Variants in CROCC2 observed in about 807,000 individuals in gnomAD.
The protein encoded by CROCC2 is ciliary rootlet coiled-coil protein 2.
In CROCC2, 163 loss-of-function variants were observed where a neutral mutation model predicts 177.6. The ratio of observed to expected loss-of-function variants is 0.92; its 90% CI spans 0.81 to 1.05. The LOEUF is 1.05. Among genes scored for constraint, CROCC2 ranks in the 50% least tolerant of loss-of-function variants. CROCC2 has a pLI of 0.00. For missense variants in CROCC2, 1,929 were observed against 1,797.8 expected (o/e 1.07, Z -1.32); for synonymous variants, 904 against 787.3 (o/e 1.15, Z -2.48).
intron 15 of CROCC2, among the ~76,000 whole-genome samples, chr2:240,947,596 G>C (rs528858496): frequency 6.6e-6 from 1 of 152,250 alleles, no homozygotes; most frequent in Admixed American, 6.5e-5. Context: ...GCCAGAGAGC[G>C]TGGAAGCTGC....
At position 240,932,300 on chromosome 2, in the gene CROCC2, C is replaced by T. The variant is rs968918034; in HGVS notation, c.948-18C>T. ...CTGGGCCCTGCCCTTCACCCCCACA[C>T]CCCCCGACTCCTCCCAGACTCTCGG... On this transcript the variant is annotated intron_variant, in intron 7 of 31. Transcript: ENST00000690015. The T allele has an allele frequency of 7.1e-6, 5 of 706,226 alleles. No individual in the cohort carries two copies. The highest frequency in any genetic ancestry group is 1.3e-5 in the Non-Finnish European group (5 of 377,464). The allele number at this position is 706,226 out of a possible 1,614,324, so 43.7% of individuals were successfully genotyped here.
At chr2:240,991,493 G>A (rs556932729) in intron 31 of CROCC2, among the ~76,000 whole-genome samples, 51 of 152,362 alleles carry the variant, frequency 3.3e-4, no homozygotes, top group African/African-American at 1.1e-3. Flanking sequence ...GCCACCGCCC[G>A]GGCCACCACT....
Position 240,982,796 on chromosome 2 carries a change from G to A in CROCC2, c.4402-84G>A. ...GATACGGTCCTGCCAGACGGTCTAG[G>A]CAGATGCCCTGAGGCCAGGGTTTCC... On this transcript the variant is annotated intron_variant, in intron 27 of 31. Coordinates refer to ENST00000690015, the MANE Select transcript of CROCC2 (RefSeq NM_001351305.2). The surrounding 1 kb of genome is among the most constrained non-coding windows in gnomAD (Gnocchi z 4.7). 3.2e-6 allele frequency: 4 copies of A among 1,260,848 alleles called. No homozygotes were observed. Among genetic ancestry groups the A allele is most frequent in the South Asian group, 1.5e-5 (1 of 68,050 alleles). The allele number at this position is 1,260,848 out of a possible 1,614,324, so 78.1% of individuals were successfully genotyped here.
chr2:240,916,699 C>CG (rs2059323637), intron 1 of CROCC2, among the ~76,000 whole-genome samples: 1 of 152,200 alleles, frequency 6.6e-6, no homozygotes, highest in Non-Finnish European at 1.5e-5. Context: ...GTTTACTCCG[C>CG]GCTGCAGCCT....
intron 15 of CROCC2, 146 bp downstream of exon 15, chr2:240,946,399 G>A (rs1559600106): frequency 4.8e-6 from 4 of 838,636 alleles, no homozygotes; most frequent in South Asian, 2.5e-5. Context: ...GAGTGGAGGC[G>A]AGCACAGAGC....
intron 31 of CROCC2, among the ~76,000 whole-genome samples, chr2:240,991,868 T>C (rs929831243): frequency 3.3e-5 from 5 of 152,174 alleles, no homozygotes; most frequent in South Asian, 2.1e-4. Flanking sequence ...AAAAACATAA[T>C]GTCCTGCAAG....
At chr2:240,912,128 A>G (rs112831101) in intron 1 of CROCC2, among the ~76,000 whole-genome samples, 16 of 152,032 alleles carry the variant, frequency 1.1e-4, no homozygotes, top group African/African-American at 3.6e-4. Context: ...TGACGTACGC[A>G]CTTCCCTCCA....
intron 5 of CROCC2, among the ~76,000 whole-genome samples, chr2:240,928,045 T>G (rs1324014538): frequency 6.6e-6 from 1 of 152,258 alleles, no homozygotes; most frequent in African/African-American, 2.4e-5. Flanking sequence ...ATATCTGAAA[T>G]TCTTTAAGGT....
rs772368079 is a variant in CROCC2 at position 240,959,416 on chromosome 2, C to A, written c.3059C>A (p.Ala1020Glu). 1 of 1,550,206 alleles carries A rather than the reference C, an allele frequency of 6.5e-7. No individual in the cohort carries two copies. The highest frequency in any genetic ancestry group is 8.7e-7 in the Non-Finnish European group (1 of 1,146,796). Residue 1020 changes from alanine (A) to glutamate (E), a missense_variant, in exon 20 of 32, where the codon GCG becomes GAG. This residue lies in a region of CROCC2 where 1,397 missense variants were observed against 1,239.9 expected (regional missense o/e 1.13). Transcript: ENST00000690015. ...TALRESLQDL[A>E]AERGDVEREA... Reference sequence around the variant, plus strand: ...CTACGCGAGAGCCTCCAGGACCTAGCGGCTGAGCGGGGCGATGTGGAGAGA... The same window carrying A: ...CTACGCGAGAGCCTCCAGGACCTAGAGGCTGAGCGGGGCGATGTGGAGAGA...
intron 1 of CROCC2, among the ~76,000 whole-genome samples, chr2:240,909,962 G>C (rs901194639): frequency 1.3e-5 from 2 of 152,136 alleles, no homozygotes; most frequent in Non-Finnish European, 2.9e-5. Flanking sequence ...ACCAGGGGTG[G>C]TGGCTCTGGA....
chr2:240,975,371 G>A (rs760438004), intron 27 of CROCC2, among the ~76,000 whole-genome samples: 13 of 152,232 alleles, frequency 8.5e-5, no homozygotes, highest in Non-Finnish European at 8.8e-5. Context: ...ACTGTCCAGA[G>A]CTAACTCTGT....
At chr2:240,961,258 C>T (rs1240399381) in intron 20 of CROCC2, among the ~76,000 whole-genome samples, 1 of 151,960 alleles carries the variant, frequency 6.6e-6, no homozygotes, top group African/African-American at 2.4e-5. Context: ...ACATCATCCA[C>T]GCAGTGAGAC....
At chr2:240,907,433 G>A (rs536642720) in intron 1 of CROCC2, among the ~76,000 whole-genome samples, 74 of 152,166 alleles carry the variant, frequency 4.9e-4, no homozygotes, top group African/African-American at 1.5e-3. Flanking sequence ...CGGACCCCTC[G>A]GGACCCCAGG....
chr2:240,923,478 C>T (rs1425948441), intron 4 of CROCC2, among the ~76,000 whole-genome samples: 1 of 109,986 alleles, frequency 9.1e-6, no homozygotes, highest in Non-Finnish European at 1.8e-5. Context: ...CAGCCCCCCA[C>T]ACTAACCCAG....
chr2:240,968,159 G>A lies in CROCC2; in HGVS notation c.4298G>A (p.Ser1433Asn), dbSNP rs1488093554. The change falls in exon 27 of 32, where the codon AGC becomes AAC. Residue 1433 changes from serine to asparagine, a missense_variant. Physicochemically the swap from Ser to Asn is conservative, Grantham distance 46. This residue lies in a region of CROCC2 where 388 missense variants were observed against 352.7 expected (regional missense o/e 1.10). Transcript: ENST00000690015. ...GQRRVEGALS[S>N]ARAARALQKE... is the part of the protein sequence containing the mutation. ...CGCCGGGTGGAGGGCGCGCTGAGCA[G>A]CGCCCGGGCAGCACGTGCCCTGCAG... 3.3e-6 allele frequency: 5 copies of A among 1,522,912 alleles called. No homozygotes were observed. Among genetic ancestry groups the A allele is most frequent in the Non-Finnish European group, 4.4e-6 (5 of 1,139,330 alleles). 94.3% of individuals were successfully genotyped at this position (1,522,912 alleles called of 1,614,324 possible). A position where few individuals can be genotyped will look rare whatever the true frequency, so the allele number is the denominator to read the frequency against.
intron 14 of CROCC2, among the ~76,000 whole-genome samples, chr2:240,944,608 C>A (rs2059512902): frequency 6.6e-6 from 1 of 150,590 alleles, no homozygotes; most frequent in Non-Finnish European, 1.5e-5. Flanking sequence ...TTTTTTTTTA[C>A]TTTTGGTTAT....
rs1201959999 is a variant in CROCC2, at chr2:240,933,801, G to A, written c.1595G>A (p.Arg532Lys). Reference sequence around the variant, plus strand: ...AGCCTCCTGCTGCAGGCAGAGCGGAGGGAGGAGCTGGCTCTGCGGAGGGAG... The same window carrying A: ...AGCCTCCTGCTGCAGGCAGAGCGGAAGGAGGAGCTGGCTCTGCGGAGGGAG... ...QRSLLLQAER[R>K]EELALRRERS... Residue 532 changes from arginine to lysine, a missense_variant, in exon 11 of 32, where the codon AGG becomes AAG. Arg to Lys is a conservative substitution (Grantham distance 26). Transcript: ENST00000690015. The A allele has an allele frequency of 2.6e-6, 4 of 1,548,680 alleles. No homozygotes were observed. The highest frequency in any genetic ancestry group is 1.2e-5 in the South Asian group (1 of 83,984).
rs530796803 is a variant in CROCC2, at chr2:240,968,836, C to T, written c.4401+574C>T. Among the ~76,000 whole-genome samples the T allele has an allele frequency of 2.0e-4, 31 of 152,308 alleles. No homozygotes were observed. The South Asian group carries it at 5.0e-3, about 24-fold the overall frequency. On this transcript the variant is annotated intron_variant, in intron 27 of 31. Coordinates refer to ENST00000690015, the MANE Select transcript of CROCC2 (RefSeq NM_001351305.2). ...GAGGAGCCTGGGCCTGGAAATGGAA[C>T]GGCCAGGCAGTGGTGGATGGAGGCC... is the stretch of plus-strand genomic sequence containing the variant.
intron 18 of CROCC2, among the ~76,000 whole-genome samples, chr2:240,952,007 C>T (rs1434948943): frequency 3.9e-5 from 6 of 152,194 alleles, no homozygotes; most frequent in Admixed American, 1.3e-4. Context: ...CACATGAACA[C>T]GTCCACATTG....
Sources: allele counts gnomAD v4.1 joint callset (sites outside exome capture counted in the v4.1 genomes callset), GRCh38; gene constraint gnomAD v4.1.1; regional missense constraint gnomAD v4.1.1; non-coding constraint Gnocchi (gnomAD v3.1); transcripts MANE v1.5; gene names NCBI Gene and HGNC (gene_info 2026-07-23, HGNC 2026-07-21).